The following PVT1 variants were observed in gnomAD, a reference collection of about 807,000 sequenced individuals.
PVT1 encodes the protein Pvt1 oncogene, also known as CXCR4/PVT1 fusion.
intron 5 of PVT1, among the ~76,000 whole-genome samples, chr8:128,081,963 A>G (rs1814187011): frequency 6.6e-6 from 1 of 152,126 alleles, no homozygotes; most frequent in African/African-American, 2.4e-5. Context: ...TATTGTATTG[A>G]ACACCCCCCC....
chr8:128,072,768 G>A (rs537871542), intron 5 of PVT1, among the ~76,000 whole-genome samples: 4 of 152,146 alleles, frequency 2.6e-5, no homozygotes, highest in African/African-American at 4.8e-5. Context: ...GCTTTCTGTG[G>A]CACGAGACAT....
chr8:128,063,228 G>T (rs74356005), intron 4 of PVT1, among the ~76,000 whole-genome samples: 2 of 151,998 alleles, frequency 1.3e-5, no homozygotes, highest in African/African-American at 4.8e-5. Context: ...AAATACACAC[G>T]CAGGCCAGGC....
chr8:127,808,204 C>T (rs1480946491), intron 2 of PVT1, among the ~76,000 whole-genome samples: 1 of 152,148 alleles, frequency 6.6e-6, no homozygotes, highest in Non-Finnish European at 1.5e-5. Flanking sequence ...CAACCCCCGT[C>T]TGGCTAATTT....
chr8:127,927,163 T>G (rs182014938), intron 3 of PVT1, among the ~76,000 whole-genome samples: 2 of 152,316 alleles, frequency 1.3e-5, no homozygotes, highest in East Asian at 3.9e-4. Context: ...GGGAACTTCT[T>G]CTATGAAAAT....
At chr8:127,801,248 T>G (rs139773938) in intron 2 of PVT1, among the ~76,000 whole-genome samples, 1 of 152,298 alleles carries the variant, frequency 6.6e-6, no homozygotes, top group East Asian at 1.9e-4. Flanking sequence ...GTTTTTGTTT[T>G]TTGTTTGTTA....
intron 4 of PVT1, among the ~76,000 whole-genome samples, chr8:128,013,478 T>C (rs563533582): frequency 5.9e-5 from 9 of 152,366 alleles, no homozygotes; most frequent in Admixed American, 2.0e-4. Context: ...TAATGTGTTT[T>C]TGTGTCCCTA....
At chr8:127,879,059 T>C (rs1227279262) in intron 2 of PVT1, among the ~76,000 whole-genome samples, 1 of 152,258 alleles carries the variant, frequency 6.6e-6, no homozygotes, top group Non-Finnish European at 1.5e-5. Flanking sequence ...GGGGCTGTTT[T>C]GGTCAACTCC....
chr8:127,855,249 G>A, intron 2 of PVT1: 1 of 398,804 alleles, frequency 2.5e-6, no homozygotes, highest in Non-Finnish European at 4.4e-6. Context: ...AGCCGGTGAA[G>A]CCCTGAGGGA....
chr8:127,975,633 A>G, intron 3 of PVT1, among the ~76,000 whole-genome samples: 1 of 152,198 alleles, frequency 6.6e-6, no homozygotes, highest in Non-Finnish European at 1.5e-5. Flanking sequence ...CCTGCTCTTC[A>G]CGTCGTGGGG....
At chr8:128,060,173 G>A (rs1417071368) in intron 4 of PVT1, among the ~76,000 whole-genome samples, 5 of 152,084 alleles carry the variant, frequency 3.3e-5, no homozygotes, top group Admixed American at 1.3e-4. Flanking sequence ...GGAGAATGGC[G>A]TGAACCCAGG....
rs139417088 is a variant in PVT1, at chr8:127,900,826, C to G, written n.782+9828C>G. ...TCCAGTTGGCACTATTTCCTAGGTT[C>G]CTTCCCTGAGAGCCTGGGAACTTCT... On this transcript the variant is annotated intron_variant and non_coding_transcript_variant, in intron 3 of 10. Coordinates refer to ENST00000651587, the Ensembl canonical transcript of PVT1. Among the ~76,000 whole-genome samples the G allele has an allele frequency of 3.0e-4, 45 of 152,298 alleles. No homozygotes were observed. In the East Asian group the frequency reaches 8.5e-3, roughly 29 times the overall value.
At chr8:127,958,621 G>A (rs1301152272) in intron 3 of PVT1, among the ~76,000 whole-genome samples, 1 of 152,174 alleles carries the variant, frequency 6.6e-6, no homozygotes, top group Non-Finnish European at 1.5e-5. Flanking sequence ...GGAAACTGAG[G>A]CTCAGAGAGG....
chr8:127,932,452 A>G (rs971662671), intron 3 of PVT1: 3 of 398,428 alleles, frequency 7.5e-6, no homozygotes, highest in African/African-American at 4.1e-5. Context: ...TTTTCTTTCT[A>G]TCCTGTCTGC....
Position 127,864,004 on chromosome 8 carries a change from C to T in PVT1, n.373-26585C>T, listed in dbSNP as rs76568379. ...CGAGATGTAGGGGAAAGGTTGGGAC[C>T]GGCTTCCAGGTGATTGGCACATCCC... On this transcript the variant is annotated intron_variant and non_coding_transcript_variant, in intron 2 of 10. Transcript: ENST00000651587. Among the ~76,000 whole-genome samples the T allele has an allele frequency of 5.7e-3, 866 of 152,286 alleles. 12 individuals carry two copies. Among genetic ancestry groups the T allele is most frequent in the African/African-American group, 0.019 (809 of 41,540 alleles).
chr8:127,979,941 A>G (rs1035982705), intron 3 of PVT1, among the ~76,000 whole-genome samples: 5 of 152,146 alleles, frequency 3.3e-5, no homozygotes, highest in Non-Finnish European at 1.5e-5. Flanking sequence ...GTGTATTGGC[A>G]TGATCATAGC....
intron 3 of PVT1, among the ~76,000 whole-genome samples, chr8:127,892,826 G>T (rs1023975841): frequency 6.6e-6 from 1 of 152,132 alleles, no homozygotes; most frequent in Non-Finnish European, 1.5e-5. Context: ...GAGGTTCTGG[G>T]ATGGGAGGGG....
intron 4 of PVT1, among the ~76,000 whole-genome samples, chr8:127,992,620 T>C (rs1563659786): frequency 6.6e-6 from 1 of 152,120 alleles, no homozygotes; most frequent in African/African-American, 2.4e-5. Context: ...CCCGAGGAAA[T>C]GGGCAATGAA....
intron 2 of PVT1, among the ~76,000 whole-genome samples, chr8:127,839,924 C>T (rs1814953890): frequency 6.6e-6 from 1 of 152,218 alleles, no homozygotes; most frequent in South Asian, 2.1e-4. Context: ...GCCCTCTGAC[C>T]TCCTGCTGGT....
At chr8:128,019,911 G>T (rs1481345164) in intron 4 of PVT1, among the ~76,000 whole-genome samples, 1 of 152,202 alleles carries the variant, frequency 6.6e-6, no homozygotes, top group East Asian at 1.9e-4. Context: ...TTCTAAATAT[G>T]TTCTTCCAAT....
Sources: gnomAD v4.1 joint callset for allele counts (sites outside exome capture counted in the v4.1 genomes callset) on GRCh38, gnomAD v4.1.1 for gene constraint, MANE v1.5 for transcripts, NCBI Gene and HGNC (gene_info 2026-07-23, HGNC 2026-07-21) for gene names.